Variants in NRG1 observed in about 807,000 individuals in gnomAD.
NRG1 encodes the protein pro-neuregulin-1, membrane-bound isoform.
A neutral mutation model predicts 63.8 loss-of-function variants in NRG1; 18 were observed. The observed-to-expected ratio is 0.28, with a 90% confidence interval of 0.19 to 0.42. The LOEUF (loss-of-function observed/expected upper bound fraction) is 0.42. NRG1 is among the 10% of genes least tolerant of loss of function. The probability of loss-of-function intolerance (pLI) is 1.00; values close to 1 mark genes in which losing one functional copy is unlikely to be tolerated. For missense variants in NRG1, 762 were observed against 814.7 expected (o/e 0.94, Z 0.79); for synonymous variants, 302 against 301.3 (o/e 1.00, Z -0.02).
intron 1 of NRG1, among the ~76,000 whole-genome samples, chr8:32,000,025 A>G (rs942059566): frequency 6.6e-6 from 1 of 152,020 alleles, no homozygotes; most frequent in Non-Finnish European, 1.5e-5. Flanking sequence ...AGAGATTTGG[A>G]AAGGCAGATG....
At chr8:32,103,440 G>T (rs1830828136) in intron 1 of NRG1, among the ~76,000 whole-genome samples, 1 of 152,152 alleles carries the variant, frequency 6.6e-6, no homozygotes, top group Non-Finnish European at 1.5e-5. Context: ...TGTGTTGATG[G>T]ATACTTAGGT....
intron 1 of NRG1, among the ~76,000 whole-genome samples, chr8:32,439,075 C>T (rs1819166725): frequency 6.6e-6 from 1 of 151,980 alleles, no homozygotes; most frequent in Non-Finnish European, 1.5e-5. Context: ...AACCAAATAC[C>T]TAAATGTCTT....
At chr8:32,680,606 C>T (rs1047382760) in intron 5 of NRG1, among the ~76,000 whole-genome samples, 1 of 152,092 alleles carries the variant, frequency 6.6e-6, no homozygotes, top group African/African-American at 2.4e-5. Context: ...TTATTGATGA[C>T]AGGACTGGAC....
intron 1 of NRG1, among the ~76,000 whole-genome samples, chr8:32,519,877 G>A (rs1179067525): frequency 1.3e-5 from 2 of 152,048 alleles, no homozygotes; most frequent in African/African-American, 4.8e-5. Flanking sequence ...GTGTTTTCTT[G>A]TGTATTGGAG....
intron 1 of NRG1, among the ~76,000 whole-genome samples, chr8:31,779,754 A>G (rs1819500285): frequency 6.6e-6 from 1 of 152,360 alleles, no homozygotes; most frequent in African/African-American, 2.4e-5. Context: ...GATTTGCACA[A>G]ATAAACTGTA....
In NRG1 at chr8:31,700,293, G is replaced by A. The variant is rs117446547; in HGVS notation, c.37+60862G>A. 4.1e-3 allele frequency among the ~76,000 whole-genome samples: 624 copies of A among 152,094 alleles called. 2 individuals are homozygous for A. The highest frequency in any genetic ancestry group is 0.027 in the South Asian group (128 of 4,804). ...AGGGGAATCCTGATGTTAGTGTCTG[G>A]GTGGTATTCTTGATAGACTTTTAGT... On this transcript the variant is annotated intron_variant, in intron 1 of 10. Transcript: ENST00000519301.
intron 1 of NRG1, among the ~76,000 whole-genome samples, chr8:32,281,527 TC>T (rs1379773001): frequency 6.6e-6 from 1 of 151,902 alleles, no homozygotes; most frequent in East Asian, 1.9e-4. Context: ...TCAAGTAGCC[TC>T]CCCCCAACAG....
At chr8:31,799,469 G>A (rs931723297) in intron 1 of NRG1, among the ~76,000 whole-genome samples, 3 of 152,090 alleles carry the variant, frequency 2.0e-5, no homozygotes, top group Admixed American at 6.5e-5. Flanking sequence ...GATTCTTTTA[G>A]AGAATTTACT....
chr8:31,988,483 T>A (rs1810471996), intron 1 of NRG1, among the ~76,000 whole-genome samples: 1 of 152,044 alleles, frequency 6.6e-6, no homozygotes, highest in Admixed American at 6.6e-5. Context: ...AAGCTTACCA[T>A]CAAAATTTCT....
chr8:32,295,512 T>G (rs1213385287), intron 1 of NRG1, among the ~76,000 whole-genome samples: 1 of 152,186 alleles, frequency 6.6e-6, no homozygotes, highest in Non-Finnish European at 1.5e-5. Context: ...ACCTAACATC[T>G]TATAATAGGA....
chr8:31,698,102 C>T (rs74741956), intron 1 of NRG1, among the ~76,000 whole-genome samples: 2 of 152,242 alleles, frequency 1.3e-5, no homozygotes, highest in African/African-American at 4.8e-5. Flanking sequence ...ACTGTCACTA[C>T]AGTGCTTTGG....
intron 1 of NRG1, chr8:31,639,931 G>C: frequency 8.9e-7 from 1 of 1,119,856 alleles, no homozygotes; most frequent in Middle Eastern, 2.4e-4. Flanking sequence ...GGCAGCGCGA[G>C]AGAGCCGGGC....
intron 1 of NRG1, among the ~76,000 whole-genome samples, chr8:31,707,261 T>A (rs1811244052): frequency 6.6e-6 from 1 of 152,124 alleles, no homozygotes; most frequent in Non-Finnish European, 1.5e-5. Context: ...GAATTGACTA[T>A]CTTTTTCCCA....
At chr8:31,692,468 A>G (rs1230261722) in intron 1 of NRG1, among the ~76,000 whole-genome samples, 1 of 152,234 alleles carries the variant, frequency 6.6e-6, no homozygotes, top group African/African-American at 2.4e-5. Context: ...AAACACTTAT[A>G]TAAATATACA....
chr8:32,023,425 A>T (rs1816760346), intron 1 of NRG1, among the ~76,000 whole-genome samples: 1 of 152,232 alleles, frequency 6.6e-6, no homozygotes. Flanking sequence ...TGAACTTGGG[A>T]ACAGCTGCAA....
intron 1 of NRG1, among the ~76,000 whole-genome samples, chr8:32,161,766 G>C (rs1043119028): frequency 6.6e-6 from 1 of 152,132 alleles, no homozygotes; most frequent in African/African-American, 2.4e-5. Flanking sequence ...GAGGAAGATG[G>C]CTCCTCCATT....
intron 1 of NRG1, among the ~76,000 whole-genome samples, chr8:32,063,783 A>T (rs181369696): frequency 2.6e-5 from 4 of 152,258 alleles, no homozygotes; most frequent in Admixed American, 6.6e-5. Context: ...TTTAATAAAA[A>T]ACATATCACC....
intron 1 of NRG1, chr8:31,639,968 C>G (rs1585334689): frequency 8.9e-7 from 1 of 1,126,798 alleles, no homozygotes; most frequent in Non-Finnish European, 1.1e-6. Context: ...GCCAGAAGCC[C>G]GCACGCACCT....
intron 5 of NRG1, among the ~76,000 whole-genome samples, chr8:32,725,391 C>G (rs1208683094): frequency 6.7e-6 from 1 of 150,222 alleles, no homozygotes; most frequent in Non-Finnish European, 1.5e-5. Context: ...CTCCATTTGT[C>G]ATCCTATGGA....
Sources: gnomAD v4.1 joint callset for allele counts (sites outside exome capture counted in the v4.1 genomes callset) on GRCh38, gnomAD v4.1.1 for gene constraint, MANE v1.5 for transcripts, NCBI Gene and HGNC (gene_info 2026-07-23, HGNC 2026-07-21) for gene names.